Variants in TTN observed in about 807,000 individuals in gnomAD.
TTN encodes connectin.
Under a neutral mutation model 3,223.0 loss-of-function variants are expected in TTN, and 1,525 were observed. The ratio of observed to expected loss-of-function variants is 0.47; its 90% CI spans 0.45 to 0.49. The LOEUF (loss-of-function observed/expected upper bound fraction) is 0.49. Among genes scored for constraint, TTN ranks in the 20% least tolerant of loss-of-function variants. The probability of loss-of-function intolerance (pLI) is 0.00; values close to 1 mark genes in which losing one functional copy is unlikely to be tolerated. For synonymous variants in TTN, 14,094 were observed against 15,161.0 expected, an observed-to-expected ratio of 0.93 and a Z score of 5.17; for missense variants, 40,786 against 43,424.0, an observed-to-expected ratio of 0.94 and a Z score of 5.40.
intron 236 of TTN, 32 bp downstream of exon 236, chr2:178,632,115 T>C: frequency 6.5e-7 from 1 of 1,533,732 alleles, no homozygotes; most frequent in African/African-American, 1.4e-5. Context: ...TTGAATTTAA[T>C]GCAGTAAAAT....
chr2:178,639,132 T>C (rs2060894757), intron 223 of TTN, among the ~76,000 whole-genome samples: 1 of 152,040 alleles, frequency 6.6e-6, no homozygotes, highest in Non-Finnish European at 1.5e-5. Flanking sequence ...GACTGAAATA[T>C]GGAGTCTCTT....
At chr2:178,714,926 C>T (rs2077242995) in intron 90 of TTN, 60 bp downstream of exon 90, 7 of 1,551,568 alleles carry the variant, frequency 4.5e-6, no homozygotes, top group African/African-American at 2.7e-5. Flanking sequence ...GTGGAGGGGG[C>T]AACAGAGTAT....
chr2:178,547,402 C>T lies in TTN; in HGVS notation c.94219+5G>A. 6.3e-7 allele frequency: 1 copy of T among 1,586,374 alleles called. No homozygotes were observed. The highest frequency in any genetic ancestry group is 1.1e-5 in the South Asian group (1 of 87,168). ...ACTTTGAAATAGGATTTTTATTTTT[C>T]TTACCAAATGGATGTTCAGCAATTA... On this transcript the variant is annotated splice_donor_5th_base_variant and intron_variant, in intron 339 of 362. Coordinates refer to ENST00000589042, the MANE Select transcript of TTN (RefSeq NM_001267550.2).
At position 178,620,190 on chromosome 2, in the gene TTN, A is replaced by T. The variant is rs1292035098; in HGVS notation, c.46304+27T>A. The stretch of plus-strand genomic sequence containing the variant: ...TCAAAAGTGTATATATAGCTACAGA[A>T]ATAGAGAATAAAAAGATCTTGCTTA... On this transcript the variant is annotated intron_variant, in intron 248 of 362. Coordinates refer to ENST00000589042, the MANE Select transcript of TTN (RefSeq NM_001267550.2). 3.2e-6 allele frequency: 5 copies of T among 1,552,850 alleles called. No homozygotes were observed. In the African/African-American group the frequency reaches 6.9e-5, roughly 22 times the overall value.
At position 178,773,536 on chromosome 2, in the gene TTN, G is replaced by A. The variant is rs1280887940; in HGVS notation, c.7520C>T (p.Thr2507Ile). ...GTKQRLVINR[T>I]HASDEGPYKL... ...GTAAGGTCCTTCGTCTGAAGCATGA[G>A]TTCGGTTAATGACTAGTCGCTGTTT... Residue 2507 changes from threonine (T) to isoleucine (I), a missense_variant, in exon 32 of 363, where the codon ACT (threonine) becomes ATT (isoleucine). Coordinates refer to ENST00000589042, the MANE Select transcript of TTN (RefSeq NM_001267550.2). 1 of 1,614,042 alleles carries A rather than the reference G, an allele frequency of 6.2e-7. No individual in the cohort carries two copies. The highest frequency in any genetic ancestry group is 1.3e-5 in the African/African-American group (1 of 75,038).
Position 178,741,196 on chromosome 2 carries a change from C to T in TTN, c.12037G>A (p.Ala4013Thr), listed in dbSNP as rs397517828. Residue 4013 changes from alanine to threonine, a missense_variant, in exon 48 of 363, where the codon GCA (alanine) becomes ACA (threonine). By Grantham distance (58) the Ala-to-Thr change is moderately conservative. Transcript: ENST00000589042. ...GTGGACTCACCCAACATATTCTCTG[C>T]TTTACAGATATAGAGGCCACTGTCT... is the stretch of plus-strand genomic sequence containing the variant. ...REDSGLYICK[A>T]ENMLGESTCA... The T allele has an allele frequency of 6.2e-7, 1 of 1,613,318 alleles. No homozygotes were observed. Among genetic ancestry groups the T allele is most frequent in the South Asian group, 1.1e-5 (1 of 91,074 alleles).
intron 46 of TTN, chr2:178,753,448 A>C (rs2154332500): frequency 3.1e-6 from 1 of 323,068 alleles, no homozygotes; most frequent in Non-Finnish European, 5.7e-6. Context: ...CTTTACATGC[A>C]TGCAGAAAGC....
Position 178,575,179 on chromosome 2 carries a change from G to A in TTN, c.70953C>T (p.Ile23651=), listed in dbSNP as rs756236085. The A allele has an allele frequency of 3.6e-5, 58 of 1,612,560 alleles. No individual in the cohort carries two copies. The highest frequency in any genetic ancestry group is 1.1e-5 in the South Asian group (1 of 90,950). Residue 23651 remains isoleucine (I), a synonymous_variant, in exon 326 of 363, where the codon ATC becomes ATT. Transcript: ENST00000589042. The surrounding 1 kb of genome is among the most constrained non-coding windows in gnomAD (Gnocchi z 4.0). ...KLVIAKAGDN[I]KVEIPVLGRP... ...GACCGAGCACTGGAATTTCAACTTTGATGTTGTCACCAGCTTTGGCAATGA... is the reference window on the plus strand; with the variant it reads ...GACCGAGCACTGGAATTTCAACTTTAATGTTGTCACCAGCTTTGGCAATGA...
chr2:178,673,525 G>T, intron 152 of TTN, 108 bp downstream of exon 152: 2 of 725,570 alleles, frequency 2.8e-6, no homozygotes, highest in Non-Finnish European at 4.3e-6. Flanking sequence ...TCCTTAATCA[G>T]TTCACTATCT....
rs370671112 is a variant in TTN, at chr2:178,727,645, T to C, written c.19933A>G (p.Thr6645Ala). The C allele has an allele frequency of 2.4e-5, 38 of 1,608,120 alleles. No individual in the cohort carries two copies. Among genetic ancestry groups the C allele is most frequent in the Non-Finnish European group, 3.1e-5 (36 of 1,177,454 alleles). Residue 6645 changes from threonine (T) to alanine (A), a missense_variant, in exon 68 of 363, where the codon ACT becomes GCT. Physicochemically the swap from Thr to Ala is moderately conservative, Grantham distance 58. Transcript: ENST00000589042. ...CCAACATCATTGGTAACATGGCAAG[T>C]ATACTGTCCAGTCTTAGAAGCATCC... ...SVDASKTGQY[T>A]CHVTNDVGSD...
At chr2:178,632,851 A>C in intron 234 of TTN, 59 bp from the exon 235 acceptor site, 3 of 1,610,534 alleles carry the variant, frequency 1.9e-6, no homozygotes, top group Non-Finnish European at 2.5e-6. Context: ...ACCCTTGATC[A>C]ATGCAGGGGT....
chr2:178,663,718 G>A lies in TTN; in HGVS notation c.36449-8C>T, dbSNP rs189133766. On this transcript the variant is annotated splice_polypyrimidine_tract_variant and splice_region_variant and intron_variant, in intron 170 of 362. Transcript: ENST00000589042. ...CTTTGGGAGGCTCTGGTACTTAAAAGATATTAGCAAAATTACATTCAGAAG... is the reference window on the plus strand; with the variant it reads ...CTTTGGGAGGCTCTGGTACTTAAAAAATATTAGCAAAATTACATTCAGAAG... 3 of 1,612,826 alleles carry A rather than the reference G, an allele frequency of 1.9e-6. 1 individual carries two copies. The South Asian group carries it at 3.3e-5, about 18-fold the overall frequency.
Position 178,722,921 on chromosome 2 carries a change from A to T in TTN, c.21978T>A (p.Val7326=). The T allele has an allele frequency of 1.9e-6, 3 of 1,611,516 alleles. No individual in the cohort carries two copies. The highest frequency in any genetic ancestry group is 2.5e-6 in the Non-Finnish European group (3 of 1,178,688). The change falls in exon 76 of 363, where the codon GTT becomes GTA. Residue 7326 remains valine, a synonymous_variant. Transcript: ENST00000589042. The part of the protein sequence containing the change: ...LVSTLEPPYF[V]TELEPLEAAV... ...CTGCCTCCAGAGGTTCCAGTTCCGT[A>T]ACAAAATAAGGCGGTTCTAAGGAAG... is the stretch of plus-strand genomic sequence containing the variant.
In TTN at chr2:178,649,644, CAG is replaced by C; in HGVS notation, c.39896-15_39896-14del. ...GGCATCTCAGGTTCTTTAAAGATAT[CAG>C]TAGCATTTAATAATACAAAGTTGTG... is the stretch of plus-strand genomic sequence containing the variant. On this transcript the variant is annotated splice_polypyrimidine_tract_variant and intron_variant, in intron 211 of 362. Transcript: ENST00000589042. 1 of 1,550,680 alleles carries C rather than the reference CAG, an allele frequency of 6.4e-7. No homozygotes were observed. The highest frequency in any genetic ancestry group is 8.7e-7 in the Non-Finnish European group (1 of 1,146,280).
chr2:178,778,839 A>G lies in TTN; in HGVS notation c.4208+35T>C, dbSNP rs72647873. 8.1e-3 allele frequency: 13,067 copies of G among 1,613,310 alleles called. 69 individuals carry two copies. The highest frequency in any genetic ancestry group is 0.01 in the Non-Finnish European group (11,805 of 1,179,576). On this transcript the variant is annotated intron_variant, in intron 24 of 362. Coordinates refer to ENST00000589042, the MANE Select transcript of TTN (RefSeq NM_001267550.2). ...CTATTTGATGTTTTGAAAACAATTT[A>G]CATACTAAATAACCCAAATTATTAC... is the stretch of plus-strand genomic sequence containing the variant.
In TTN at chr2:178,711,980, C is replaced by T. The variant is rs2076727185; in HGVS notation, c.27850G>A (p.Gly9284Arg). 1.2e-6 allele frequency: 2 copies of T among 1,608,428 alleles called. No individual in the cohort carries two copies. The highest frequency in any genetic ancestry group is 1.7e-5 in the Admixed American group (1 of 59,802). ...AGGAAAGTTGATGCAGAAACTTCTC[C>T]CACGCTGTTTTCAGCTTTGCAGATA... ...EYICKAENSV[G>R]EVSASTFLTV... Residue 9284 changes from glycine to arginine, a missense_variant, in exon 96 of 363, where the codon GGA (glycine) becomes AGA (arginine). Gly to Arg is a moderately radical substitution (Grantham distance 125). Coordinates refer to ENST00000589042, the MANE Select transcript of TTN (RefSeq NM_001267550.2).
chr2:178,546,454 G>A lies in TTN; in HGVS notation c.94877C>T (p.Thr31626Ile), dbSNP rs542160074. Residue 31626 changes from threonine to isoleucine, a missense_variant, in exon 342 of 363, where the codon ACC becomes ATC. By Grantham distance (89) the Thr-to-Ile change is moderately conservative. Transcript: ENST00000589042. ...LDARLHGDLV[T>I]IRAGSDLVLD... The stretch of plus-strand genomic sequence containing the variant: ...AACAAGATCAGAACCTGCTCTGATG[G>A]TAACCAGATCACCGTGTAATCGGGC... 6 of 1,613,528 alleles carry A rather than the reference G, an allele frequency of 3.7e-6. No individual in the cohort carries two copies. The South Asian group carries it at 6.6e-5, about 18-fold the overall frequency.
chr2:178,674,512 T>C, intron 150 of TTN, 103 bp from the exon 151 acceptor site: 7 of 627,868 alleles, frequency 1.1e-5, no homozygotes, highest in Non-Finnish European at 1.3e-5. Flanking sequence ...AACGCTTGTG[T>C]AAACTCACTA....
rs146708705 is a variant in TTN at position 178,793,253 on chromosome 2, T to C, written c.1536+151A>G. ...GACACTACCAAACTTTGGTATCCAG[T>C]ACCCAGAAATTTACACATACAACAA... On this transcript the variant is annotated intron_variant, in intron 9 of 362. Transcript: ENST00000589042. 4 of 1,220,092 alleles carry C rather than the reference T, an allele frequency of 3.3e-6. No individual in the cohort carries two copies. The African/African-American group carries it at 6.1e-5, about 18-fold the overall frequency. The allele number at this position is 1,220,092 out of a possible 1,614,324, so 75.6% of individuals were successfully genotyped here. A position where few individuals can be genotyped will look rare whatever the true frequency, so the allele number is the denominator to read the frequency against.
Sources: allele counts gnomAD v4.1 joint callset (sites outside exome capture counted in the v4.1 genomes callset), GRCh38; gene constraint gnomAD v4.1.1; non-coding constraint Gnocchi (gnomAD v3.1); transcripts MANE v1.5; gene names NCBI Gene and HGNC (gene_info 2026-07-23, HGNC 2026-07-21).